ZNF778: variants seen among roughly 807,000 people sequenced by gnomAD.
ZNF778 encodes the protein zinc finger protein 778.
ZNF778 carries 37 observed loss-of-function variants against 23.9 expected under a neutral mutation model. The ratio of observed to expected loss-of-function variants is 1.54; its 90% CI spans 1.19 to 2.03. ZNF778 has a LOEUF of 2.03. Among genes scored for constraint, ZNF778 ranks in the 30% most tolerant of loss-of-function variants. ZNF778 has a pLI of 0.00. For synonymous variants in ZNF778, 483 were observed against 343.9 expected (o/e 1.40, Z -4.48); for missense variants, 1,297 against 934.4 (o/e 1.39, Z -5.06).
chr16:89,226,653 C>T (rs1334377044), intron 6 of ZNF778, 41 bp from the exon 7 acceptor site: 7 of 1,533,052 alleles, frequency 4.6e-6, no homozygotes, highest in South Asian at 3.7e-5. Context: ...TATGAATCAG[C>T]CTCAGTAACC....
At chr16:89,226,227 T>C (rs779559735) in intron 6 of ZNF778, among the ~76,000 whole-genome samples, 18 of 151,912 alleles carry the variant, frequency 1.2e-4, no homozygotes, top group Admixed American at 9.8e-4. Context: ...TTTTTTGACA[T>C]GGAGTTTTGC....
At position 89,225,446 on chromosome 16, in the gene ZNF778, C is replaced by T. The variant is rs2031387730; in HGVS notation, c.329-109C>T. 10 of 867,822 alleles carry T rather than the reference C, an allele frequency of 1.2e-5. 1 individual carries two copies. The South Asian group carries it at 1.5e-4, about 13-fold the overall frequency. 53.8% of individuals were successfully genotyped at this position (867,822 alleles called of 1,614,324 possible). On this transcript the variant is annotated intron_variant, in intron 5 of 6. Coordinates refer to ENST00000433976, the MANE Select transcript of ZNF778 (RefSeq NM_001201407.2). ...CTATGATTCCAAATTTTACACATAG[C>T]CAAACTCCTTAAATCTATCTTTGCT...
At chr16:89,223,421 C>G in intron 4 of ZNF778, 138 bp downstream of exon 4, 4 of 1,217,492 alleles carry the variant, frequency 3.3e-6, no homozygotes, top group Non-Finnish European at 4.7e-6. Context: ...AGGCTTGGTG[C>G]TAGTGTGGTC....
Position 89,234,180 on chromosome 16 carries a change from C to G in ZNF778, c.*5618C>G, listed in dbSNP as rs151169800. On this transcript the variant is annotated 3_prime_UTR_variant, in exon 7 of 7. Coordinates refer to ENST00000433976, the MANE Select transcript of ZNF778 (RefSeq NM_001201407.2). Reference sequence around the variant, plus strand: ...TGTCACTCACTCACCTTGACGAGTCCGCGTCTAGGCCCCACCAGTGGTGTG... The same window carrying G: ...TGTCACTCACTCACCTTGACGAGTCGGCGTCTAGGCCCCACCAGTGGTGTG... 2.5e-6 allele frequency: 1 copy of G among 395,852 alleles called. No homozygotes were observed. Among genetic ancestry groups the G allele is most frequent in the Admixed American group, 2.9e-5 (1 of 34,438 alleles). The allele number at this position is 395,852 out of a possible 1,614,324, so 24.5% of individuals were successfully genotyped here.
chr16:89,222,007 A>G (rs1022333890), intron 2 of ZNF778, 85 bp from the exon 3 acceptor site: 12 of 891,616 alleles, frequency 1.3e-5, no homozygotes, highest in South Asian at 1.0e-4. Context: ...ATTTCCTGCT[A>G]GGATGGAATG....
chr16:89,225,474 G>GTT, intron 5 of ZNF778, 81 bp from the exon 6 acceptor site: 32 of 1,117,798 alleles, frequency 2.9e-5, no homozygotes, highest in Non-Finnish European at 3.2e-5. Flanking sequence ...TCTTTGCTTT[G>GTT]TTTTTTTTTC....
chr16:89,220,216 A>G (rs1008595031), intron 1 of ZNF778, among the ~76,000 whole-genome samples: 6 of 152,228 alleles, frequency 3.9e-5, no homozygotes, highest in African/African-American at 1.2e-4. Flanking sequence ...ACCTAGTAGT[A>G]AGTACAGTTT....
rs2031975347 is a variant in ZNF778 at position 89,232,466 on chromosome 16, G to T, written c.*3904G>T. Reference sequence around the variant, plus strand: ...CAAGCATGATGGAAAACTGGGTTATGGGCAGGACTGCAAGTACTGGTTAGG... The same window carrying T: ...CAAGCATGATGGAAAACTGGGTTATTGGCAGGACTGCAAGTACTGGTTAGG... On this transcript the variant is annotated 3_prime_UTR_variant, in exon 7 of 7. Transcript: ENST00000433976. The T allele has an allele frequency of 4.0e-5, 16 of 395,892 alleles. No homozygotes were observed. The highest frequency in any genetic ancestry group is 3.7e-4 in the South Asian group (16 of 43,684). The allele number at this position is 395,892 out of a possible 1,614,324, so 24.5% of individuals were successfully genotyped here.
At position 89,232,458 on chromosome 16, in the gene ZNF778, T is replaced by G; in HGVS notation, c.*3896T>G. ...TAAGACACCAAGCATGATGGAAAACTGGGTTATGGGCAGGACTGCAAGTAC... is the reference window on the plus strand; with the variant it reads ...TAAGACACCAAGCATGATGGAAAACGGGGTTATGGGCAGGACTGCAAGTAC... On this transcript the variant is annotated 3_prime_UTR_variant, in exon 7 of 7. Transcript: ENST00000433976. 2.7e-6 allele frequency: 1 copy of G among 371,194 alleles called. No individual in the cohort carries two copies. The highest frequency in any genetic ancestry group is 4.8e-6 in the Non-Finnish European group (1 of 207,360). 23.0% of individuals were successfully genotyped at this position (371,194 alleles called of 1,614,324 possible). A position where few individuals can be genotyped will look rare whatever the true frequency, so the allele number is the denominator to read the frequency against.
chr16:89,225,697 A>C, intron 6 of ZNF778, 66 bp downstream of exon 6: 1 of 1,376,062 alleles, frequency 7.3e-7, no homozygotes, highest in South Asian at 1.2e-5. Context: ...TCCACTATAG[A>C]AAATGAGCAA....
At position 89,228,888 on chromosome 16, in the gene ZNF778, G is replaced by T; in HGVS notation, c.*326G>T. Reference sequence around the variant, plus strand: ...CAATGAAGAAAAACCTTAGGAGGGTGAGAATTGTTGGGAAGTCATTTTTTA... The same window carrying T: ...CAATGAAGAAAAACCTTAGGAGGGTTAGAATTGTTGGGAAGTCATTTTTTA... On this transcript the variant is annotated 3_prime_UTR_variant, in exon 7 of 7. Transcript: ENST00000433976. 1 of 1,039,888 alleles carries T rather than the reference G, an allele frequency of 9.6e-7. No individual in the cohort carries two copies. The highest frequency in any genetic ancestry group is 1.7e-5 in the African/African-American group (1 of 59,188). 64.4% of individuals were successfully genotyped at this position (1,039,888 alleles called of 1,614,324 possible).
At position 89,227,078 on chromosome 16, in the gene ZNF778, C is replaced by T; in HGVS notation, c.790C>T (p.His264Tyr). 6.2e-7 allele frequency: 1 copy of T among 1,613,938 alleles called. No individual in the cohort carries two copies. Among genetic ancestry groups the T allele is most frequent in the South Asian group, 1.1e-5 (1 of 91,074 alleles). Residue 264 changes from histidine to tyrosine, a missense_variant, in exon 7 of 7, where the codon CAC becomes TAC. His to Tyr is a moderately conservative substitution (Grantham distance 83). Coordinates refer to ENST00000433976, the MANE Select transcript of ZNF778 (RefSeq NM_001201407.2). ...KWKPCGKALT[H>Y]SMGCATPVEM... ...GAAGCCGTGTGGGAAAGCTCTAACTCACTCCATGGGCTGCGCCACACCTGT... is the reference window on the plus strand; with the variant it reads ...GAAGCCGTGTGGGAAAGCTCTAACTTACTCCATGGGCTGCGCCACACCTGT...
At position 89,227,087 on chromosome 16, in the gene ZNF778, G is replaced by T. The variant is rs2031542138; in HGVS notation, c.799G>T (p.Gly267Cys). 1.9e-6 allele frequency: 3 copies of T among 1,613,842 alleles called. No individual in the cohort carries two copies. Among genetic ancestry groups the T allele is most frequent in the Non-Finnish European group, 2.5e-6 (3 of 1,179,896 alleles). The change falls in exon 7 of 7, where the codon GGC becomes TGC. Residue 267 changes from glycine (G) to cysteine (C), a missense_variant. Transcript: ENST00000433976. Reference sequence around the variant, plus strand: ...TGGGAAAGCTCTAACTCACTCCATGGGCTGCGCCACACCTGTTGAAATGCA... The same window carrying T: ...TGGGAAAGCTCTAACTCACTCCATGTGCTGCGCCACACCTGTTGAAATGCA... Reference protein sequence around the residue: ...PCGKALTHSMGCATPVEMHAV... With the variant: ...PCGKALTHSMCCATPVEMHAV...
rs1356153463 is a variant in ZNF778, at chr16:89,230,183, G to A, written c.*1621G>A. 7 of 446,864 alleles carry A rather than the reference G, an allele frequency of 1.6e-5. No homozygotes were observed. The highest frequency in any genetic ancestry group is 2.1e-5 in the Non-Finnish European group (7 of 338,590). The allele number at this position is 446,864 out of a possible 1,614,324, so 27.7% of individuals were successfully genotyped here. On this transcript the variant is annotated 3_prime_UTR_variant, in exon 7 of 7. Transcript: ENST00000433976. ...ATGCCCTTGTTCCTCTCCCATACCT[G>A]ATCCCTTCAGATAAAACACCAGGGT...
rs531492748 is a variant in ZNF778, at chr16:89,228,666, A to T, written c.*104A>T. On this transcript the variant is annotated 3_prime_UTR_variant, in exon 7 of 7. Coordinates refer to ENST00000433976, the MANE Select transcript of ZNF778 (RefSeq NM_001201407.2). Reference sequence around the variant, plus strand: ...ATGACTTGAGGAATGTGGCTAGGCAATCAGCATCTCATCACAACCCGGCAG... The same window carrying T: ...ATGACTTGAGGAATGTGGCTAGGCATTCAGCATCTCATCACAACCCGGCAG... The T allele has an allele frequency of 6.7e-6, 10 of 1,503,040 alleles. No individual in the cohort carries two copies. Among genetic ancestry groups the T allele is most frequent in the Non-Finnish European group, 8.8e-6 (10 of 1,132,076 alleles). 93.1% of individuals were successfully genotyped at this position (1,503,040 alleles called of 1,614,324 possible). A position where few individuals can be genotyped will look rare whatever the true frequency, so the allele number is the denominator to read the frequency against.
At position 89,228,410 on chromosome 16, in the gene ZNF778, A is replaced by G. The variant is rs527406821; in HGVS notation, c.2122A>G (p.Lys708Glu). 1 of 1,613,998 alleles carries G rather than the reference A, an allele frequency of 6.2e-7. No homozygotes were observed. Among genetic ancestry groups the G allele is most frequent in the East Asian group, 2.2e-5 (1 of 44,888 alleles). Residue 708 changes from lysine (K) to glutamate (E), a missense_variant, in exon 7 of 7, where the codon AAA becomes GAA. Lys to Glu is a moderately conservative substitution (Grantham distance 56). Coordinates refer to ENST00000433976, the MANE Select transcript of ZNF778 (RefSeq NM_001201407.2). Reference protein sequence around the residue: ...QKPYKCKECGKAYNRFYLLKE... With the variant: ...QKPYKCKECGEAYNRFYLLKE... ...ACCCTATAAATGTAAGGAATGTGGG[A>G]AAGCATACAATAGGTTTTATCTACT...
Position 89,221,077 on chromosome 16 carries a change from G to A in ZNF778, c.-51G>A. 6.4e-7 allele frequency: 1 copy of A among 1,555,516 alleles called. No individual in the cohort carries two copies. Among genetic ancestry groups the A allele is most frequent in the Non-Finnish European group, 8.7e-7 (1 of 1,149,028 alleles). ...ATAGATTCACAAGCTGCCCTGCAGTGGCCTTGGCTTCAGGAAAGGAGCATT... is the reference window on the plus strand; with the variant it reads ...ATAGATTCACAAGCTGCCCTGCAGTAGCCTTGGCTTCAGGAAAGGAGCATT... On this transcript the variant is annotated 5_prime_UTR_variant, in exon 2 of 7. Coordinates refer to ENST00000433976, the MANE Select transcript of ZNF778 (RefSeq NM_001201407.2).
In ZNF778 at chr16:89,220,940, A is replaced by C. The variant is rs1314028026; in HGVS notation, c.-131-57A>C. 4 of 616,634 alleles carry C rather than the reference A, an allele frequency of 6.5e-6. No individual in the cohort carries two copies. The East Asian group carries it at 1.1e-4, about 18-fold the overall frequency. 38.2% of individuals were successfully genotyped at this position (616,634 alleles called of 1,614,324 possible). A position where few individuals can be genotyped will look rare whatever the true frequency, so the allele number is the denominator to read the frequency against. ...TTCACATATATCATCTGCAGAAACAAGCTAATGCGTGAGGTTTGATAACTG... is the reference window on the plus strand; with the variant it reads ...TTCACATATATCATCTGCAGAAACACGCTAATGCGTGAGGTTTGATAACTG... On this transcript the variant is annotated intron_variant, in intron 1 of 6. Transcript: ENST00000433976.
At chr16:89,223,001 G>A (rs2031116791) in intron 3 of ZNF778, among the ~76,000 whole-genome samples, 156 bp from the exon 4 acceptor site, 1 of 152,348 alleles carries the variant, frequency 6.6e-6, no homozygotes, top group African/African-American at 2.4e-5. Context: ...GACAGGGCGT[G>A]TGTGCGGGCA....
Sources: allele counts gnomAD v4.1 joint callset (sites outside exome capture counted in the v4.1 genomes callset), GRCh38; gene constraint gnomAD v4.1.1; transcripts MANE v1.5; gene names NCBI Gene and HGNC (gene_info 2026-07-23, HGNC 2026-07-21).